Variants in TSG101 observed in about 807,000 individuals in gnomAD.
TSG101 encodes tumor susceptibility 101.
A neutral mutation model predicts 48.5 loss-of-function variants in TSG101; 19 were observed. The observed-to-expected ratio is 0.39, with a 90% confidence interval of 0.27 to 0.58. The LOEUF is 0.58. TSG101 is among the 20% of genes least tolerant of loss of function. TSG101 has a pLI of 0.55. For missense variants in TSG101, 365 were observed against 484.4 expected (o/e 0.75, Z 2.31); for synonymous variants, 174 against 169.4 (o/e 1.03, Z -0.21).
chr11:18,481,417 C>A (rs1849537855), intron 9 of TSG101: 2 of 1,342,884 alleles, frequency 1.5e-6, no homozygotes, highest in East Asian at 2.9e-5. Flanking sequence ...AGAACTGCAG[C>A]CACCAGCCCA....
chr11:18,524,107 C>T (rs1003632257), intron 1 of TSG101, among the ~76,000 whole-genome samples: 1 of 152,198 alleles, frequency 6.6e-6, no homozygotes, highest in Non-Finnish European at 1.5e-5. Flanking sequence ...TTTTCTTCTA[C>T]TCATTTAGCA....
At chr11:18,521,361 T>TTCTTTTC (rs1354000818) in intron 1 of TSG101, among the ~76,000 whole-genome samples, 25 of 124,426 alleles carry the variant, frequency 2.0e-4, no homozygotes, top group African/African-American at 7.7e-4. Flanking sequence ...ACTGATTCCT[T>TTCTTTTC]TTTTTTTTTT....
chr11:18,516,224 T>C, intron 2 of TSG101, 60 bp from the exon 3 acceptor site: 2 of 1,470,162 alleles, frequency 1.4e-6, no homozygotes, highest in Non-Finnish European at 1.9e-6. Flanking sequence ...CCATAAGTTA[T>C]TCTTTCAGAA....
chr11:18,516,299 T>C, intron 2 of TSG101, 135 bp from the exon 3 acceptor site: 1 of 660,484 alleles, frequency 1.5e-6, no homozygotes. Context: ...ATCCATCCTG[T>C]CCAATAACTA....
rs1849519149 is a variant in TSG101 at position 18,480,717 on chromosome 11, T to C, written c.1084-82A>G. 8 of 1,324,332 alleles carry C rather than the reference T, an allele frequency of 6.0e-6. No homozygotes were observed. The South Asian group carries it at 1.0e-4, about 17-fold the overall frequency. The allele number at this position is 1,324,332 out of a possible 1,614,324, so 82.0% of individuals were successfully genotyped here. On this transcript the variant is annotated intron_variant, in intron 9 of 9. Transcript: ENST00000251968. The stretch of plus-strand genomic sequence containing the variant: ...TAAAATAGACAATTTGTAACCTAGA[T>C]GGGATCTAAGAACCCTAACTCATGA...
intron 9 of TSG101, among the ~76,000 whole-genome samples, chr11:18,480,905 G>C (rs1331449767): frequency 1.3e-5 from 2 of 152,140 alleles, no homozygotes; most frequent in Non-Finnish European, 2.9e-5. Flanking sequence ...AGATTGTACA[G>C]AAAAAGAGTC....
intron 6 of TSG101, among the ~76,000 whole-genome samples, chr11:18,505,329 T>TC (rs1849951597): frequency 6.6e-6 from 1 of 151,824 alleles, no homozygotes; most frequent in South Asian, 2.1e-4. Context: ...CAATTACGGC[T>TC]CATTGCATCC....
intron 9 of TSG101, 105 bp from the exon 10 acceptor site, chr11:18,480,740 T>A: frequency 1.0e-6 from 1 of 993,806 alleles, no homozygotes; most frequent in Middle Eastern, 2.1e-4. Flanking sequence ...CCCTAACTCA[T>A]GACCTGCCAA....
At chr11:18,526,227 T>C (rs1320614797) in intron 1 of TSG101, among the ~76,000 whole-genome samples, 1 of 152,050 alleles carries the variant, frequency 6.6e-6, no homozygotes, top group African/African-American at 2.4e-5. Flanking sequence ...CACTTAAAAG[T>C]AGTTACTCTT....
intron 7 of TSG101, among the ~76,000 whole-genome samples, chr11:18,499,173 A>G (rs544631174): frequency 4.4e-4 from 62 of 141,826 alleles, no homozygotes; most frequent in Non-Finnish European, 8.6e-4. Context: ...GAAAAGTGGA[A>G]TAGAGAAGAG....
At chr11:18,515,134 G>A (rs761999962) in intron 3 of TSG101, among the ~76,000 whole-genome samples, 11 of 152,148 alleles carry the variant, frequency 7.2e-5, no homozygotes, top group Non-Finnish European at 1.5e-4. Context: ...TGGCTCAAAT[G>A]TCACTTCCTC....
At chr11:18,521,517 C>T (rs2133934133) in intron 1 of TSG101, among the ~76,000 whole-genome samples, 1 of 151,256 alleles carries the variant, frequency 6.6e-6, no homozygotes, top group East Asian at 1.9e-4. Flanking sequence ...TACAGGCATG[C>T]ACCATCACAC....
chr11:18,523,511 A>G (rs1410824254), intron 1 of TSG101, among the ~76,000 whole-genome samples: 2 of 151,814 alleles, frequency 1.3e-5, no homozygotes, highest in African/African-American at 2.4e-5. Flanking sequence ...TTATTTATTT[A>G]TTTGTTTTTG....
At chr11:18,500,414 T>C (rs2133917007) in intron 7 of TSG101, among the ~76,000 whole-genome samples, 1 of 152,368 alleles carries the variant, frequency 6.6e-6, no homozygotes, top group Middle Eastern at 3.4e-3. Flanking sequence ...CTGTTTTCCA[T>C]AGTGGCTTTA....
In TSG101 at chr11:18,521,669, C is replaced by CTTTTTTTTTTTT. The variant is rs1565096217; in HGVS notation, c.43-2067_43-2066insAAAAAAAAAAAA. Among the ~76,000 whole-genome samples, 3 of 111,440 alleles carry CTTTTTTTTTTTT rather than the reference C, an allele frequency of 2.7e-5. 1 individual carries two copies. Among genetic ancestry groups the CTTTTTTTTTTTT allele is most frequent in the African/African-American group, 9.9e-5 (3 of 30,154 alleles). The allele number at this position is 111,440 out of a possible 152,430, so 73.1% of individuals were successfully genotyped here. A position where few individuals can be genotyped will look rare whatever the true frequency, so the allele number is the denominator to read the frequency against. ...TATGAACCACTGCACCTGGCCCCTT[C>CTTTTTTTTTTTT]CTTTTTTTTTTTTTTTTTTTTTTTT... is the stretch of plus-strand genomic sequence containing the variant. On this transcript the variant is annotated intron_variant, in intron 1 of 9. Coordinates refer to ENST00000251968, the MANE Select transcript of TSG101 (RefSeq NM_006292.4).
At chr11:18,492,238 C>T (rs1849708992) in intron 7 of TSG101, among the ~76,000 whole-genome samples, 1 of 152,166 alleles carries the variant, frequency 6.6e-6, no homozygotes, top group Non-Finnish European at 1.5e-5. Flanking sequence ...GAAGGAAAAT[C>T]CTTCTCCCAT....
chr11:18,485,547 T>C (rs893440150), intron 7 of TSG101, among the ~76,000 whole-genome samples: 1 of 152,168 alleles, frequency 6.6e-6, no homozygotes, highest in Non-Finnish European at 1.5e-5. Context: ...AATGTGCTTT[T>C]TTGGAAACTT....
intron 7 of TSG101, among the ~76,000 whole-genome samples, chr11:18,492,568 G>A (rs570212264): frequency 2.6e-5 from 4 of 152,028 alleles, no homozygotes; most frequent in African/African-American, 9.7e-5. Flanking sequence ...CACCAAATAA[G>A]TCCTTGCCAA....
rs1167931262 is a variant in TSG101, at chr11:18,483,868, A to G, written c.843+2T>C. 6.2e-7 allele frequency: 1 copy of G among 1,613,994 alleles called. No individual in the cohort carries two copies. The highest frequency in any genetic ancestry group is 1.1e-5 in the South Asian group (1 of 91,090). On this transcript the variant is annotated splice_donor_variant, in intron 8 of 9. Coordinates refer to ENST00000251968, the MANE Select transcript of TSG101 (RefSeq NM_006292.4). LOFTEE classifies it high-confidence loss of function. ...ATTTTAAGTCTTTAATGAGTCACTT[A>G]CTACTTCTTGATCTAAACGGGTAAC...
Sources: gnomAD v4.1 joint callset for allele counts (sites outside exome capture counted in the v4.1 genomes callset) on GRCh38, gnomAD v4.1.1 for gene constraint, MANE v1.5 for transcripts, NCBI Gene and HGNC (gene_info 2026-07-23, HGNC 2026-07-21) for gene names.